Variants in PPP2R2B observed in about 807,000 individuals in gnomAD.
PPP2R2B encodes the protein protein phosphatase 2 regulatory subunit Bbeta, also known as serine/threonine-protein phosphatase 2A 55 kDa regulatory subunit B beta isoform.
Under a neutral mutation model 46.0 loss-of-function variants are expected in PPP2R2B, and 5 were observed. The ratio of observed to expected loss-of-function variants is 0.11; its 90% CI spans 0.06 to 0.23. The LOEUF (loss-of-function observed/expected upper bound fraction) is 0.23, where lower values mean the gene tolerates loss of function less well. Ranked by LOEUF, PPP2R2B falls within the 10% of genes least tolerant of loss-of-function variation. PPP2R2B has a pLI of 1.00. For synonymous variants in PPP2R2B, 215 were observed against 206.7 expected (o/e 1.04, Z -0.34); for missense variants, 367 against 575.0 (o/e 0.64, Z 3.70).
rs73793230 is a variant in PPP2R2B, at chr5:146,719,976, T to C, written c.71-18834A>G. On this transcript the variant is annotated intron_variant, in intron 2 of 9. Coordinates refer to ENST00000394411, the MANE Select transcript of PPP2R2B (RefSeq NM_181675.4). ...TAGGTCTTGAATTTACTGCACCTCCTAACATTTCCTAGTGTACCCCCAGCC... is the reference window on the plus strand; with the variant it reads ...TAGGTCTTGAATTTACTGCACCTCCCAACATTTCCTAGTGTACCCCCAGCC... Among the ~76,000 whole-genome samples the C allele has an allele frequency of 3.3e-3, 499 of 152,212 alleles. 2 individuals carry two copies. Among genetic ancestry groups the C allele is most frequent in the African/African-American group, 0.012 (481 of 41,548 alleles).
intron 1 of PPP2R2B, among the ~76,000 whole-genome samples, chr5:147,014,919 A>G (rs183514031): frequency 1.3e-5 from 2 of 152,194 alleles, no homozygotes; most frequent in South Asian, 2.1e-4. Flanking sequence ...AAAAAAATGA[A>G]TTTCATAGAC....
chr5:146,807,713 A>G (rs1757259824), intron 2 of PPP2R2B, among the ~76,000 whole-genome samples: 1 of 133,748 alleles, frequency 7.5e-6, no homozygotes, highest in Non-Finnish European at 1.6e-5. Context: ...ACACCAGAGT[A>G]TGTGCTTAAC....
At chr5:146,752,483 A>G (rs1017122206) in intron 2 of PPP2R2B, among the ~76,000 whole-genome samples, 1 of 152,146 alleles carries the variant, frequency 6.6e-6, no homozygotes, top group Non-Finnish European at 1.5e-5. Context: ...TATTTGACTC[A>G]TTTATCATCC....
intron 2 of PPP2R2B, among the ~76,000 whole-genome samples, chr5:146,864,703 C>T (rs1761206958): frequency 1.3e-5 from 2 of 152,168 alleles, no homozygotes; most frequent in South Asian, 4.1e-4. Flanking sequence ...GAGCCTGCCT[C>T]TCCTCTCAGA....
At chr5:146,866,629 C>CAT (rs34698553) in intron 2 of PPP2R2B, among the ~76,000 whole-genome samples, 35,482 of 151,524 alleles carry the variant, frequency 0.23, 4,281 homozygotes, top group East Asian at 0.35. Flanking sequence ...CAGATACATA[C>CAT]ATATATATAC....
At chr5:146,902,705 TC>T (rs1762873256) in intron 1 of PPP2R2B, among the ~76,000 whole-genome samples, 1 of 152,214 alleles carries the variant, frequency 6.6e-6, no homozygotes, top group Admixed American at 6.5e-5. Flanking sequence ...CATCTGTGGT[TC>T]CCCAGTGCAT....
chr5:146,714,609 C>T (rs1055782463), intron 2 of PPP2R2B, among the ~76,000 whole-genome samples: 2 of 152,240 alleles, frequency 1.3e-5, no homozygotes, highest in Middle Eastern at 6.8e-3. Context: ...TCGCCACTAA[C>T]ATTTGAAATA....
intron 1 of PPP2R2B, among the ~76,000 whole-genome samples, chr5:147,009,896 C>CAT (rs1362536648): frequency 6.2e-5 from 9 of 144,680 alleles, no homozygotes; most frequent in African/African-American, 2.5e-4. Context: ...CACACACACA[C>CAT]ACATATATAT....
intron 1 of PPP2R2B, among the ~76,000 whole-genome samples, chr5:146,950,210 A>G (rs1397022942): frequency 2.0e-5 from 3 of 152,202 alleles, no homozygotes; most frequent in African/African-American, 7.2e-5. Flanking sequence ...GTATGCCTGT[A>G]TTAAAATATC....
intron 2 of PPP2R2B, among the ~76,000 whole-genome samples, chr5:146,824,174 TGAAGAGCAGAAAGCTTA>T (rs2151337599): frequency 6.6e-6 from 1 of 152,366 alleles, no homozygotes; most frequent in African/African-American, 2.4e-5. Context: ...CATAATTTAC[TGAAGAGCAGAAAGCTTA>T]TTGAACATGA....
At chr5:146,929,995 A>G (rs536444810) in intron 1 of PPP2R2B, among the ~76,000 whole-genome samples, 36 of 152,350 alleles carry the variant, frequency 2.4e-4, no homozygotes, top group African/African-American at 8.7e-4. Flanking sequence ...TTCTGGGGAT[A>G]CAGATTAGAA....
Position 146,706,849 on chromosome 5 carries a change from C to T in PPP2R2B, c.71-5707G>A, listed in dbSNP as rs889530616. 1.5e-5 allele frequency: 17 copies of T among 1,119,532 alleles called. No individual in the cohort carries two copies. The Admixed American group carries it at 2.5e-4, about 17-fold the overall frequency. The allele number at this position is 1,119,532 out of a possible 1,614,324, so 69.3% of individuals were successfully genotyped here. ...CCTTGACCTCAGCGATGATGCTGTC[C>T]GTGTCCAGGGAGCGGCTGTTGTCAA... On this transcript the variant is annotated intron_variant, in intron 2 of 9. Transcript: ENST00000394411.
chr5:146,644,568 G>A (rs146405747), intron 6 of PPP2R2B, among the ~76,000 whole-genome samples: 329 of 152,250 alleles, frequency 2.2e-3, no homozygotes, highest in African/African-American at 7.7e-3. Flanking sequence ...TCATCTCGAT[G>A]GGTAAAGTTT....
intron 2 of PPP2R2B, among the ~76,000 whole-genome samples, chr5:147,070,719 CT>C (rs1757563215): frequency 6.6e-6 from 1 of 151,968 alleles, no homozygotes; most frequent in African/African-American, 2.4e-5. Context: ...CTTTTTTTTC[CT>C]GTAGCTGATA....
At chr5:146,843,816 T>C (rs895932351) in intron 2 of PPP2R2B, among the ~76,000 whole-genome samples, 1 of 152,078 alleles carries the variant, frequency 6.6e-6, no homozygotes, top group Non-Finnish European at 1.5e-5. Flanking sequence ...TTCCATGGTG[T>C]ATATGTGCCA....
chr5:146,655,675 G>A (rs566537101), intron 5 of PPP2R2B, among the ~76,000 whole-genome samples: 1 of 152,320 alleles, frequency 6.6e-6, no homozygotes, highest in East Asian at 1.9e-4. Flanking sequence ...CTTGACTCAG[G>A]AGTCTATACC....
At chr5:147,023,826 G>C (rs1220844877) in intron 1 of PPP2R2B, among the ~76,000 whole-genome samples, 1 of 151,916 alleles carries the variant, frequency 6.6e-6, no homozygotes, top group African/African-American at 2.4e-5. Context: ...TCCATTGAGG[G>C]CCCAGACAGA....
chr5:146,857,227 G>A (rs965729513), intron 2 of PPP2R2B, among the ~76,000 whole-genome samples: 1 of 152,148 alleles, frequency 6.6e-6, no homozygotes, highest in Non-Finnish European at 1.5e-5. Context: ...TCACTCGTTA[G>A]AAATGGCCCC....
intron 2 of PPP2R2B, among the ~76,000 whole-genome samples, chr5:146,811,261 G>C (rs1240349152): frequency 6.6e-6 from 1 of 152,154 alleles, no homozygotes; most frequent in Non-Finnish European, 1.5e-5. Context: ...GCCTCTGAAA[G>C]TGCTGGGATT....
Sources: allele counts gnomAD v4.1 joint callset (sites outside exome capture counted in the v4.1 genomes callset), GRCh38; gene constraint gnomAD v4.1.1; transcripts MANE v1.5; gene names NCBI Gene and HGNC (gene_info 2026-07-23, HGNC 2026-07-21).